CPQ: variants seen among roughly 807,000 people sequenced by gnomAD.
CPQ encodes the protein Ser-Met dipeptidase.
In CPQ, 37 loss-of-function variants were observed where a neutral mutation model predicts 45.7. That is an observed-to-expected ratio of 0.81 (90% CI 0.62 to 1.07). CPQ has a LOEUF of 1.07. Ranked by LOEUF, CPQ falls within the 50% of genes least tolerant of loss-of-function variation. CPQ has a pLI of 0.00. For synonymous variants in CPQ, 186 were observed against 205.8 expected (o/e 0.90, Z 0.82); for missense variants, 537 against 572.9 (o/e 0.94, Z 0.64).
At chr8:97,126,942 A>T (rs1196805114) in intron 7 of CPQ, among the ~76,000 whole-genome samples, 1 of 152,206 alleles carries the variant, frequency 6.6e-6, no homozygotes, top group Admixed American at 6.5e-5. Flanking sequence ...TACAACAAAT[A>T]GTGTTAAAAC....
chr8:96,981,265 AT>A (rs757147849), intron 5 of CPQ, among the ~76,000 whole-genome samples: 17 of 152,170 alleles, frequency 1.1e-4, no homozygotes, highest in Admixed American at 2.6e-4. Flanking sequence ...TGCTTGTATT[AT>A]TTTCCTTTCT....
chr8:96,937,154 A>G lies in CPQ; in HGVS notation c.850-28781A>G, dbSNP rs145391911. ...AGAGGTTACACACAAGTAAATGGGC[A>G]ATTTCAATATAGTATAATAAATATT... is the stretch of plus-strand genomic sequence containing the variant. On this transcript the variant is annotated intron_variant, in intron 4 of 7. Transcript: ENST00000220763. 7.4e-4 allele frequency among the ~76,000 whole-genome samples: 112 copies of G among 152,222 alleles called. 1 individual carries two copies. The highest frequency in any genetic ancestry group is 2.6e-3 in the African/African-American group (110 of 41,556).
At chr8:97,069,752 G>A (rs75437193) in intron 7 of CPQ, among the ~76,000 whole-genome samples, 2,901 of 150,692 alleles carry the variant, frequency 0.019, 97 homozygotes, top group African/African-American at 0.067. Context: ...TTTCTTTCAC[G>A]GATTCAATAA....
At position 96,800,384 on chromosome 8, in the gene CPQ, T is replaced by TG. The variant is rs549290456; in HGVS notation, c.433+15057dup. Reference sequence around the variant, plus strand: ...GTAGGCACCCTCATGCACTGATTGGTGGGTGTGAAGCATGGTGCTGCCATT... The same window carrying TG: ...GTAGGCACCCTCATGCACTGATTGGTGGGGTGTGAAGCATGGTGCTGCCATT... On this transcript the variant is annotated intron_variant, in intron 2 of 7. Transcript: ENST00000220763. Among the ~76,000 whole-genome samples the TG allele has an allele frequency of 1.2e-4, 18 of 152,306 alleles. 2 individuals are homozygous for TG. In the South Asian group the frequency reaches 1.9e-3, roughly 16 times the overall value.
chr8:97,084,836 G>C (rs1242759086), intron 7 of CPQ, among the ~76,000 whole-genome samples: 1 of 151,278 alleles, frequency 6.6e-6, no homozygotes, highest in Non-Finnish European at 1.5e-5. Flanking sequence ...GTGTGTGTGT[G>C]TCTCTCTGTG....
At chr8:96,896,641 G>C (rs1812446665) in intron 4 of CPQ, among the ~76,000 whole-genome samples, 1 of 152,146 alleles carries the variant, frequency 6.6e-6, no homozygotes, top group Admixed American at 6.6e-5. Flanking sequence ...TCCCTGAGAA[G>C]CCTCTCTTAA....
intron 6 of CPQ, among the ~76,000 whole-genome samples, chr8:97,047,134 G>A (rs1451132667): frequency 3.9e-5 from 6 of 152,122 alleles, no homozygotes; most frequent in Admixed American, 2.0e-4. Flanking sequence ...TTACGCTTTC[G>A]TGGACATCAA....
chr8:96,967,600 A>G (rs2130365783), intron 5 of CPQ, among the ~76,000 whole-genome samples: 1 of 152,356 alleles, frequency 6.6e-6, no homozygotes, highest in East Asian at 1.9e-4. Context: ...CTCAAAGTAC[A>G]TCGACTTCAG....
At chr8:96,980,602 G>A (rs956017601) in intron 5 of CPQ, among the ~76,000 whole-genome samples, 1 of 152,136 alleles carries the variant, frequency 6.6e-6, no homozygotes, top group Admixed American at 6.5e-5. Context: ...ACAGCAGGTT[G>A]GATGTTCCAG....
At chr8:96,840,445 A>T (rs1001348705) in intron 3 of CPQ, among the ~76,000 whole-genome samples, 1 of 152,170 alleles carries the variant, frequency 6.6e-6, no homozygotes, top group South Asian at 2.1e-4. Flanking sequence ...TGGAATAGCA[A>T]CATCAACCTA....
intron 1 of CPQ, among the ~76,000 whole-genome samples, chr8:96,734,486 C>T (rs189849247): frequency 1.6e-4 from 24 of 152,068 alleles, no homozygotes; most frequent in African/African-American, 3.6e-4. Context: ...CCCAGGCGGA[C>T]GGATCACAAG....
At chr8:97,027,330 T>G (rs2130466057) in intron 5 of CPQ, among the ~76,000 whole-genome samples, 1 of 152,282 alleles carries the variant, frequency 6.6e-6, no homozygotes, top group African/African-American at 2.4e-5. Flanking sequence ...TCAAAGGCCT[T>G]TGGAAGAATT....
Position 96,854,675 on chromosome 8 carries a change from T to C in CPQ, c.641+19495T>C, listed in dbSNP as rs548992123. On this transcript the variant is annotated intron_variant, in intron 3 of 7. Coordinates refer to ENST00000220763, the MANE Select transcript of CPQ (RefSeq NM_016134.4). The stretch of plus-strand genomic sequence containing the variant: ...ATATGAAGAAATTTATCATAAAGAA[T>C]TGGTTCATATGATTACAGAGGCTGA... Among the ~76,000 whole-genome samples, 7 of 151,724 alleles carry C rather than the reference T, an allele frequency of 4.6e-5. No homozygotes were observed. The South Asian group carries it at 1.2e-3, about 27-fold the overall frequency.
At chr8:97,133,172 C>T (rs901746497) in intron 7 of CPQ, 6 of 152,122 alleles carry the variant, frequency 3.9e-5, no homozygotes, top group Admixed American at 6.5e-5. Context: ...CACATATATA[C>T]CTATATATAC....
rs188116934 is a variant in CPQ at position 96,860,888 on chromosome 8, A to G, written c.642-18910A>G. On this transcript the variant is annotated intron_variant, in intron 3 of 7. Coordinates refer to ENST00000220763, the MANE Select transcript of CPQ (RefSeq NM_016134.4). ...CAAGAAACTGTAGTATCTATTTTCA[A>G]AACTAGTACATGGATTTTCAATGTG... 8.8e-4 allele frequency among the ~76,000 whole-genome samples: 134 copies of G among 152,284 alleles called. 1 individual carries two copies. The East Asian group carries it at 0.025, about 28-fold the overall frequency.
chr8:96,790,884 T>G (rs1463650728), intron 2 of CPQ, among the ~76,000 whole-genome samples: 4 of 152,142 alleles, frequency 2.6e-5, no homozygotes. Flanking sequence ...CATGCTGCCA[T>G]GCTGGAAGAA....
chr8:97,118,351 G>GA (rs1218933288), intron 7 of CPQ, among the ~76,000 whole-genome samples: 1 of 152,060 alleles, frequency 6.6e-6, no homozygotes, highest in Non-Finnish European at 1.5e-5. Context: ...TGACCCCAGA[G>GA]AAATCAATTC....
intron 7 of CPQ, among the ~76,000 whole-genome samples, chr8:97,112,818 C>T (rs1382802469): frequency 6.6e-6 from 1 of 152,160 alleles, no homozygotes; most frequent in African/African-American, 2.4e-5. Context: ...AGTGATGTCA[C>T]GGAGAGGAAG....
intron 1 of CPQ, among the ~76,000 whole-genome samples, chr8:96,652,288 T>C (rs181057913): frequency 6.6e-6 from 1 of 152,366 alleles, no homozygotes; most frequent in African/African-American, 2.4e-5. Context: ...ATCCATGTTG[T>C]CACAAATGAC....
Sources: gnomAD v4.1 joint callset for allele counts (sites outside exome capture counted in the v4.1 genomes callset) on GRCh38, gnomAD v4.1.1 for gene constraint, MANE v1.5 for transcripts, NCBI Gene and HGNC (gene_info 2026-07-23, HGNC 2026-07-21) for gene names.